The following STK3 variants were observed in gnomAD, a reference collection of about 807,000 sequenced individuals.
STK3 encodes the protein serine/threonine kinase 3.
STK3 carries 41 observed loss-of-function variants against 58.0 expected under a neutral mutation model. The ratio of observed to expected loss-of-function variants is 0.71; its 90% confidence interval spans 0.55 to 0.92. STK3 has a LOEUF of 0.92. STK3 is among the 40% of genes least tolerant of loss of function. The pLI, the probability that STK3 is intolerant of heterozygous loss-of-function variation, is 0.00. For synonymous variants in STK3, 170 were observed against 191.0 expected (o/e 0.89, Z 0.91); for missense variants, 479 against 602.7 (o/e 0.79, Z 2.15).
intron 4 of STK3, among the ~76,000 whole-genome samples, chr8:98,743,271 C>T (rs199871604): frequency 0.012 from 1,729 of 149,768 alleles, 18 homozygotes; most frequent in Admixed American, 0.05. Context: ...GAGCCCGCAT[C>T]GCCAAGTCAA....
chr8:98,621,528 G>A (rs932879070), intron 6 of STK3, among the ~76,000 whole-genome samples: 3 of 152,174 alleles, frequency 2.0e-5, no homozygotes, highest in Non-Finnish European at 4.4e-5. Flanking sequence ...GATGTTAGCT[G>A]AAAGGTTTTT....
chr8:98,605,727 G>A (rs758571686), intron 6 of STK3, among the ~76,000 whole-genome samples: 3 of 151,998 alleles, frequency 2.0e-5, no homozygotes, highest in African/African-American at 7.3e-5. Flanking sequence ...CTGTGTCCCC[G>A]CTTAAATCTC....
Position 98,693,937 on chromosome 8 carries a change from G to C in STK3, c.684+12530C>G, listed in dbSNP as rs557278814. On this transcript the variant is annotated intron_variant, in intron 6 of 10. Transcript: ENST00000419617. ...TAAATATTAAAAAACGGTTAACTAA[G>C]TGTTCACTCTTCACATGTGGACATA... Among the ~76,000 whole-genome samples the C allele has an allele frequency of 7.2e-5, 11 of 152,238 alleles. No homozygotes were observed. In the South Asian group the frequency reaches 1.2e-3, roughly 17 times the overall value.
chr8:98,444,359 G>A lies in STK3; in HGVS notation n.186-7151C>T, dbSNP rs951835745. Among the ~76,000 whole-genome samples, 39 of 152,276 alleles carry A rather than the reference G, an allele frequency of 2.6e-4. 1 individual carries two copies. Among genetic ancestry groups the A allele is most frequent in the Admixed American group, 2.4e-3 (37 of 15,296 alleles). On this transcript the variant is annotated intron_variant and non_coding_transcript_variant, in intron 1 of 3. Coordinates refer to the STK3 transcript ENST00000517832. ...GGGCCCTGGTCAGAGAGGCTTTAAT[G>A]ACCCTTATCCTGCATGTGATGGAAA...
intron 9 of STK3, among the ~76,000 whole-genome samples, chr8:98,535,091 A>G (rs1809645435): frequency 6.6e-6 from 1 of 152,218 alleles, no homozygotes; most frequent in Admixed American, 6.5e-5. Context: ...TTTAACATTC[A>G]GTATTATATA....
At chr8:98,701,680 TCACACACA>T (rs936023354) in intron 6 of STK3, among the ~76,000 whole-genome samples, 4 of 146,928 alleles carry the variant, frequency 2.7e-5, no homozygotes, top group South Asian at 2.1e-4. Flanking sequence ...ACACACACAC[TCACACACA>T]CACACTCTCT....
intron 1 of STK3, among the ~76,000 whole-genome samples, chr8:98,911,528 G>A (rs1028317823): frequency 3.3e-5 from 5 of 152,054 alleles, no homozygotes; most frequent in African/African-American, 1.2e-4. Context: ...AAGTAGCTGG[G>A]TATTACAGGC....
At chr8:98,680,600 A>G (rs1427325838) in intron 6 of STK3, among the ~76,000 whole-genome samples, 1 of 151,466 alleles carries the variant, frequency 6.6e-6, no homozygotes, top group East Asian at 2.0e-4. Context: ...CTAACTATAA[A>G]CTGTTCTCTT....
chr8:98,897,020 AG>A, intron 1 of STK3, among the ~76,000 whole-genome samples: 1 of 87,558 alleles, frequency 1.1e-5, no homozygotes, highest in Non-Finnish European at 3.0e-5. Context: ...GAAAAGAAAG[AG>A]AAAGAGAAAG....
rs192203250 is a variant in STK3 at position 98,426,569 on chromosome 8, C to T, written n.483+7558G>A. Among the ~76,000 whole-genome samples the T allele has an allele frequency of 5.5e-3, 843 of 152,306 alleles. 7 individuals are homozygous for T. Among genetic ancestry groups the T allele is most frequent in the African/African-American group, 0.02 (813 of 41,566 alleles). ...GGACTTCCCGGCCCCCTCTTTTCCC[C>T]TCCAGCTCCTGTTCCCCAACAACCC... On this transcript the variant is annotated intron_variant and non_coding_transcript_variant, in intron 3 of 3. Coordinates refer to the STK3 transcript ENST00000517832.
At chr8:98,855,058 A>G (rs1231741888) in intron 3 of STK3, among the ~76,000 whole-genome samples, 1 of 151,850 alleles carries the variant, frequency 6.6e-6, no homozygotes, top group Non-Finnish European at 1.5e-5. Context: ...CGCTGTCTCA[A>G]AACAACAACA....
intron 7 of STK3, among the ~76,000 whole-genome samples, chr8:98,588,189 A>C (rs915959114): frequency 9.3e-5 from 14 of 150,260 alleles, no homozygotes; most frequent in Middle Eastern, 3.4e-3. Context: ...GTTTCTTCCT[A>C]GTCTCGATGG....
At chr8:98,495,241 C>T (rs1202043333) in intron 10 of STK3, among the ~76,000 whole-genome samples, 2 of 152,130 alleles carry the variant, frequency 1.3e-5, no homozygotes, top group Admixed American at 6.5e-5. Context: ...TAAATGTTCA[C>T]GTTTCAAACA....
intron 4 of STK3, among the ~76,000 whole-genome samples, chr8:98,735,920 C>T (rs1828545481): frequency 6.6e-6 from 1 of 152,106 alleles, no homozygotes; most frequent in East Asian, 1.9e-4. Flanking sequence ...TCTATGCTGA[C>T]AATCAGATAA....
chr8:98,693,644 C>T (rs966146076), intron 6 of STK3, among the ~76,000 whole-genome samples: 1 of 152,184 alleles, frequency 6.6e-6, no homozygotes, highest in Admixed American at 6.5e-5. Context: ...CCATTCACCA[C>T]TGTGTTAAAT....
At chr8:98,733,205 G>A (rs1387624893) in intron 4 of STK3, among the ~76,000 whole-genome samples, 1 of 152,048 alleles carries the variant, frequency 6.6e-6, no homozygotes, top group African/African-American at 2.4e-5. Context: ...ATAAAACAGT[G>A]AACGAAAAAA....
chr8:98,532,353 G>T (rs567722264), intron 9 of STK3, among the ~76,000 whole-genome samples: 1 of 152,220 alleles, frequency 6.6e-6, no homozygotes, highest in South Asian at 2.1e-4. Context: ...TGCTGGTGGG[G>T]CAGTCAGAAC....
intron 2 of STK3, among the ~76,000 whole-genome samples, chr8:98,769,547 T>A (rs577741369): frequency 6.6e-6 from 1 of 152,340 alleles, no homozygotes; most frequent in Admixed American, 6.5e-5. Flanking sequence ...TTTCGTAAAT[T>A]GCCCAGTCCC....
the STK3 span, among the ~76,000 whole-genome samples, chr8:98,353,473 AGAGT>A: frequency 1.3e-5 from 2 of 152,218 alleles, no homozygotes; most frequent in Non-Finnish European, 2.9e-5. Context: ...CCTGGGTGAC[AGAGT>A]GAGACCCTGT....
Sources: gnomAD v4.1 joint callset for allele counts (sites outside exome capture counted in the v4.1 genomes callset) on GRCh38, gnomAD v4.1.1 for gene constraint, MANE v1.5 for transcripts, NCBI Gene and HGNC (gene_info 2026-07-23, HGNC 2026-07-21) for gene names.